Variants in GJC1 observed in about 807,000 individuals in gnomAD.
GJC1 encodes gap junction protein gamma 1.
In GJC1, 5 loss-of-function variants were observed where a neutral mutation model predicts 29.3. That is an observed-to-expected ratio of 0.17 (90% confidence interval 0.09 to 0.36). GJC1 has a LOEUF of 0.36. Among genes scored for constraint, GJC1 ranks in the 10% least tolerant of loss-of-function variants. The probability of loss-of-function intolerance (pLI) is 1.00; values close to 1 mark genes in which losing one functional copy is unlikely to be tolerated. For synonymous variants in GJC1, 177 were observed against 183.3 expected, an observed-to-expected ratio of 0.97 and a Z score of 0.28; for missense variants, 310 against 496.2, an observed-to-expected ratio of 0.62 and a Z score of 3.56.
chr17:44,826,650 G>C (rs1014484435), intron 1 of GJC1, among the ~76,000 whole-genome samples: 1 of 152,100 alleles, frequency 6.6e-6, no homozygotes, highest in Admixed American at 6.6e-5. Context: ...GCCAAGGACT[G>C]CTCTCAGCCA....
chr17:44,805,739 C>A lies in GJC1; in HGVS notation c.79G>T (p.Val27Phe). Reference sequence around the variant, plus strand: ...AGGACGATCCGGAAGACAATCAGAACAGTGAGCCAGATCTTCCCCACAAAT... The same window carrying A: ...AGGACGATCCGGAAGACAATCAGAAAAGTGAGCCAGATCTTCCCCACAAAT... ...STFVGKIWLTVLIVFRIVLTA... is the reference protein window; with the variant it reads ...STFVGKIWLTFLIVFRIVLTA... Residue 27 changes from valine to phenylalanine, a missense_variant, in exon 3 of 3, where the codon GTT becomes TTT. Physicochemically the swap from Val to Phe is conservative, Grantham distance 50. Coordinates refer to ENST00000592524, the MANE Select transcript of GJC1 (RefSeq NM_005497.4). This position sits in a 1 kb window ranked among gnomAD's most constrained non-coding sequence, Gnocchi z 5.1. 6.2e-7 allele frequency: 1 copy of A among 1,614,174 alleles called. No individual in the cohort carries two copies. The highest frequency in any genetic ancestry group is 8.5e-7 in the Non-Finnish European group (1 of 1,179,996).
At chr17:44,821,272 C>G (rs1438569511) in intron 1 of GJC1, among the ~76,000 whole-genome samples, 8 of 152,306 alleles carry the variant, frequency 5.3e-5, no homozygotes, top group African/African-American at 1.7e-4. Context: ...CCAAAACAGC[C>G]TAAGATTAGG....
intron 2 of GJC1, among the ~76,000 whole-genome samples, chr17:44,806,401 G>GTTTTTTTTTTTTTTTTTTTTTTTTTT (rs35152035): frequency 8.2e-6 from 1 of 122,138 alleles, no homozygotes; most frequent in Non-Finnish European, 1.7e-5. Context: ...TCTTCTGTTT[G>GTTTTTTTTTTTTTTTTTTTTTTTTTT]TTTTTTTTTT....
intron 1 of GJC1, among the ~76,000 whole-genome samples, chr17:44,829,347 TA>T (rs1308186118): frequency 6.6e-6 from 1 of 152,136 alleles, no homozygotes; most frequent in East Asian, 1.9e-4. Flanking sequence ...CGCCTACTCT[TA>T]ATTTTGAAGC....
Position 44,800,152 on chromosome 17 carries a change from C to A in GJC1, c.*4475G>T, listed in dbSNP as rs184182706. On this transcript the variant is annotated 3_prime_UTR_variant, in exon 3 of 3. Coordinates refer to ENST00000592524, the MANE Select transcript of GJC1 (RefSeq NM_005497.4). Reference sequence around the variant, plus strand: ...TTTTTTTGAGAGTTTCACTCGTTGCCCAGGCTGAAGTGCAATGGCGCAATC... The same window carrying A: ...TTTTTTTGAGAGTTTCACTCGTTGCACAGGCTGAAGTGCAATGGCGCAATC... 1.7e-3 allele frequency: 260 copies of A among 152,154 alleles called. No homozygotes were observed. The highest frequency in any genetic ancestry group is 5.8e-3 in the African/African-American group (239 of 41,498). The allele number at this position is 152,154 out of a possible 1,614,324, so 9.4% of individuals were successfully genotyped here. A position where few individuals can be genotyped will look rare whatever the true frequency, so the allele number is the denominator to read the frequency against.
intron 1 of GJC1, among the ~76,000 whole-genome samples, chr17:44,816,756 C>T (rs1388889586): frequency 1.3e-5 from 2 of 151,984 alleles, no homozygotes; most frequent in South Asian, 2.1e-4. Flanking sequence ...CCCTCTGCCT[C>T]GGCCTCCCAA....
rs1567706868 is a variant in GJC1 at position 44,804,921 on chromosome 17, G to A, written c.897C>T (p.Ile299=). 6.2e-7 allele frequency: 1 copy of A among 1,614,202 alleles called. No individual in the cohort carries two copies. Among genetic ancestry groups the A allele is most frequent in the Non-Finnish European group, 8.5e-7 (1 of 1,180,026 alleles). Residue 299 remains isoleucine (I), a synonymous_variant, in exon 3 of 3, where the codon ATC becomes ATT. Transcript: ENST00000592524. Reference sequence around the variant, plus strand: ...TAGCATTGGACAGTTCGGTGTACTGGATTTGATCTGGTTTGACAGCAATGT... The same window carrying A: ...TAGCATTGGACAGTTCGGTGTACTGAATTTGATCTGGTTTGACAGCAATGT... ...GYNIAVKPDQ[I]QYTELSNAKI...
upstream of GJC1, chr17:44,830,815 C>G: frequency 2.5e-6 from 1 of 397,702 alleles, no homozygotes; most frequent in Non-Finnish European, 4.4e-6. The surrounding 1 kb of genome is among the most constrained non-coding windows in gnomAD (Gnocchi z 4.3). Flanking sequence ...TAGCAGTGCT[C>G]TAGATACTTT....
At position 44,804,598 on chromosome 17, in the gene GJC1, G is replaced by A; in HGVS notation, c.*29C>T. The A allele has an allele frequency of 6.6e-7, 1 of 1,515,744 alleles. No individual in the cohort carries two copies. The allele number at this position is 1,515,744 out of a possible 1,614,324, so 93.9% of individuals were successfully genotyped here. On this transcript the variant is annotated 3_prime_UTR_variant, in exon 3 of 3. Coordinates refer to ENST00000592524, the MANE Select transcript of GJC1 (RefSeq NM_005497.4). ...TGAGCTGCTGCTTACCATAAACTAT[G>A]AAAAGCACAGGTTTTAAGCCCGCCA... is the stretch of plus-strand genomic sequence containing the variant.
At chr17:44,830,371 G>T, upstream of GJC1, 1 of 241,966 alleles carries the variant, frequency 4.1e-6, no homozygotes, top group East Asian at 7.4e-5. This position sits in a 1 kb window ranked among gnomAD's most constrained non-coding sequence, Gnocchi z 4.3. Context: ...TGGCGCTCGA[G>T]TGGGAGGGGG....
intron 1 of GJC1, among the ~76,000 whole-genome samples, chr17:44,820,378 C>A (rs1312945694): frequency 6.6e-6 from 1 of 152,140 alleles, no homozygotes; most frequent in East Asian, 1.9e-4. Context: ...CTTTCCATAT[C>A]CTAATTTCTG....
intron 1 of GJC1, among the ~76,000 whole-genome samples, chr17:44,822,684 T>G (rs928194601): frequency 1.4e-5 from 2 of 145,740 alleles, no homozygotes; most frequent in African/African-American, 2.5e-5. Context: ...CTCAGTAAAT[T>G]GTGTGATAGA....
chr17:44,818,692 G>A (rs913783533), intron 1 of GJC1, among the ~76,000 whole-genome samples: 3 of 152,068 alleles, frequency 2.0e-5, no homozygotes, highest in Non-Finnish European at 4.4e-5. Flanking sequence ...CTACTCAGGA[G>A]GCTGAGGCAG....
At chr17:44,813,483 ACTTT>A (rs1377755996) in intron 1 of GJC1, among the ~76,000 whole-genome samples, 1 of 95,416 alleles carries the variant, frequency 1.0e-5, no homozygotes, top group Non-Finnish European at 2.1e-5. Context: ...CTTCCAAGTT[ACTTT>A]TTTTTTTTTT....
At chr17:44,828,326 G>A (rs190284551) in intron 1 of GJC1, among the ~76,000 whole-genome samples, 80 of 152,294 alleles carry the variant, frequency 5.3e-4, no homozygotes, top group Admixed American at 9.8e-4. Flanking sequence ...AACTGTGGTA[G>A]AACTTTTTAA....
rs770217465 is a variant in GJC1 at position 44,805,419 on chromosome 17, GTCC to G, written c.396_398del (p.Glu132del). ...GATACATCATAGGATCCTCTTCGTT[GTCC>G]TCCTCCGTTTCTTCCAGAGCCCGGT... is the stretch of plus-strand genomic sequence containing the variant. On this transcript the variant is annotated inframe_deletion, in exon 3 of 3. Transcript: ENST00000592524. This position sits in a 1 kb window ranked among gnomAD's most constrained non-coding sequence, Gnocchi z 5.1. 3 of 1,614,112 alleles carry G rather than the reference GTCC, an allele frequency of 1.9e-6. No homozygotes were observed. Among genetic ancestry groups the G allele is most frequent in the Non-Finnish European group, 1.7e-6 (2 of 1,180,034 alleles).
At chr17:44,812,904 C>T (rs1396655760) in intron 1 of GJC1, 1 of 152,130 alleles carries the variant, frequency 6.6e-6, no homozygotes, top group East Asian at 1.9e-4. Flanking sequence ...ACCTCGGCCT[C>T]CCAAAGTGCT....
chr17:44,813,635 G>T (rs968907217), intron 1 of GJC1, among the ~76,000 whole-genome samples: 4 of 151,708 alleles, frequency 2.6e-5, no homozygotes, highest in African/African-American at 7.3e-5. Flanking sequence ...TGGGACTACA[G>T]GCACACACCA....
rs1430531784 is a variant in GJC1 at position 44,805,409 on chromosome 17, C to T, written c.409G>A (p.Asp137Asn). ...TCCATCTCTGGATACATCATAGGAT[C>T]CTCTTCGTTGTCCTCCTCCGTTTCT... is the stretch of plus-strand genomic sequence containing the variant. ...LEETEEDNEE[D>N]PMMYPEMELE... is the part of the protein sequence containing the mutation. Residue 137 changes from aspartate to asparagine, a missense_variant, in exon 3 of 3, where the codon GAT becomes AAT. Physicochemically the swap from Asp to Asn is conservative, Grantham distance 23. Coordinates refer to ENST00000592524, the MANE Select transcript of GJC1 (RefSeq NM_005497.4). This position sits in a 1 kb window ranked among gnomAD's most constrained non-coding sequence, Gnocchi z 5.1. 1 of 1,614,088 alleles carries T rather than the reference C, an allele frequency of 6.2e-7. No homozygotes were observed. The highest frequency in any genetic ancestry group is 1.3e-5 in the African/African-American group (1 of 74,942).
Sources: allele counts gnomAD v4.1 joint callset (sites outside exome capture counted in the v4.1 genomes callset), GRCh38; gene constraint gnomAD v4.1.1; non-coding constraint Gnocchi (gnomAD v3.1); transcripts MANE v1.5; gene names NCBI Gene and HGNC (gene_info 2026-07-23, HGNC 2026-07-21).